The following PAFAH1B1 variants were observed in gnomAD, a reference collection of about 807,000 sequenced individuals.
PAFAH1B1 encodes the protein platelet-activating factor acetylhydrolase IB subunit beta.
PAFAH1B1 carries 2 observed loss-of-function variants against 57.5 expected under a neutral mutation model. The ratio of observed to expected loss-of-function variants is 0.03; its 90% CI spans 0.01 to 0.11. The LOEUF (loss-of-function observed/expected upper bound fraction) is 0.11. Ranked by LOEUF, PAFAH1B1 falls within the 10% of genes least tolerant of loss-of-function variation. The probability of loss-of-function intolerance (pLI) is 1.00; values close to 1 mark genes in which losing one functional copy is unlikely to be tolerated. For synonymous variants in PAFAH1B1, 152 were observed against 169.6 expected (o/e 0.90, Z 0.81); for missense variants, 257 against 512.0 (o/e 0.50, Z 4.81).
chr17:2,672,581 T>G, intron 6 of PAFAH1B1, 74 bp from the exon 7 acceptor site: 1 of 1,020,140 alleles, frequency 9.8e-7, no homozygotes, highest in South Asian at 1.3e-5. Context: ...CATGGTAAAA[T>G]CCCATGGTCA....
chr17:2,652,278 G>A (rs1235956767), intron 2 of PAFAH1B1, among the ~76,000 whole-genome samples: 7 of 151,886 alleles, frequency 4.6e-5, no homozygotes, highest in Admixed American at 1.3e-4. Flanking sequence ...GGCCGGGCGT[G>A]GTGGCGGGTG....
chr17:2,597,180 G>A (rs1363020690), intron 1 of PAFAH1B1, among the ~76,000 whole-genome samples: 1 of 152,084 alleles, frequency 6.6e-6, no homozygotes, highest in South Asian at 2.1e-4. Flanking sequence ...AGTGTTTCTT[G>A]ATACATGTTG....
At chr17:2,625,561 G>C (rs1419987154) in intron 1 of PAFAH1B1, among the ~76,000 whole-genome samples, 1 of 152,070 alleles carries the variant, frequency 6.6e-6, no homozygotes, top group Non-Finnish European at 1.5e-5. Context: ...TTGTACTGTT[G>C]GTTAATGTAG....
chr17:2,668,045 C>T (rs1209340985), intron 5 of PAFAH1B1, among the ~76,000 whole-genome samples: 1 of 151,990 alleles, frequency 6.6e-6, no homozygotes, highest in Non-Finnish European at 1.5e-5. Flanking sequence ...AACCAATCGG[C>T]CGGGCACGGT....
At chr17:2,612,883 T>G (rs1026427884) in intron 1 of PAFAH1B1, among the ~76,000 whole-genome samples, 43 of 152,156 alleles carry the variant, frequency 2.8e-4, no homozygotes, top group Non-Finnish European at 2.9e-4. Flanking sequence ...GTGCTGAGAT[T>G]ACTGGTGTGA....
At chr17:2,627,207 A>G (rs1052746429) in intron 1 of PAFAH1B1, among the ~76,000 whole-genome samples, 1 of 152,180 alleles carries the variant, frequency 6.6e-6, no homozygotes, top group Non-Finnish European at 1.5e-5. Context: ...GTTACCTTCT[A>G]GAATTTTTAG....
chr17:2,618,064 T>C (rs1164872853), intron 1 of PAFAH1B1, among the ~76,000 whole-genome samples: 1 of 151,912 alleles, frequency 6.6e-6, no homozygotes, highest in Non-Finnish European at 1.5e-5. Flanking sequence ...CTGCCCAACA[T>C]GGTGAAATCT....
At chr17:2,625,337 C>T (rs1288960982) in intron 1 of PAFAH1B1, among the ~76,000 whole-genome samples, 1 of 152,200 alleles carries the variant, frequency 6.6e-6, no homozygotes, top group Non-Finnish European at 1.5e-5. Context: ...TGCCAAAATA[C>T]ATTTCAAAAA....
At chr17:2,603,929 G>A (rs1289003132) in intron 1 of PAFAH1B1, among the ~76,000 whole-genome samples, 1 of 151,620 alleles carries the variant, frequency 6.6e-6, no homozygotes, top group Non-Finnish European at 1.5e-5. Flanking sequence ...GTAGAGATGG[G>A]GTTTCACCAT....
intron 8 of PAFAH1B1, among the ~76,000 whole-genome samples, chr17:2,675,537 C>G (rs920791086): frequency 6.6e-6 from 1 of 151,978 alleles, no homozygotes; most frequent in African/African-American, 2.4e-5. Context: ...TGTGGTGGCT[C>G]ACGCCTGTAA....
chr17:2,609,136 A>C (rs2068237593), intron 1 of PAFAH1B1, among the ~76,000 whole-genome samples: 1 of 152,194 alleles, frequency 6.6e-6, no homozygotes, highest in South Asian at 2.1e-4. Context: ...TTCCCATGAC[A>C]GCAGTTAACC....
At chr17:2,613,042 TA>T (rs34932981) in intron 1 of PAFAH1B1, among the ~76,000 whole-genome samples, 14,508 of 132,220 alleles carry the variant, frequency 0.11, 1,678 homozygotes, top group African/African-American at 0.3. Flanking sequence ...TAATAATTTG[TA>T]AAAAAAAAAA....
At chr17:2,666,581 A>G (rs1057141147) in intron 4 of PAFAH1B1, among the ~76,000 whole-genome samples, 4 of 152,244 alleles carry the variant, frequency 2.6e-5, no homozygotes, top group Non-Finnish European at 1.5e-5. Flanking sequence ...AGCACATAGT[A>G]GATGCTCAAT....
At chr17:2,595,790 C>T (rs1171716596) in intron 1 of PAFAH1B1, among the ~76,000 whole-genome samples, 2 of 152,048 alleles carry the variant, frequency 1.3e-5, no homozygotes, top group Non-Finnish European at 2.9e-5. Flanking sequence ...AGAAAGGAAT[C>T]CAATTTTTCA....
intron 10 of PAFAH1B1, chr17:2,680,713 T>C (rs1411875547): frequency 6.9e-6 from 2 of 289,686 alleles, no homozygotes; most frequent in Non-Finnish European, 1.3e-5. Flanking sequence ...TGTATTTGAT[T>C]TGAGTAAACA....
At chr17:2,612,725 C>T (rs933780938) in intron 1 of PAFAH1B1, among the ~76,000 whole-genome samples, 3 of 151,964 alleles carry the variant, frequency 2.0e-5, no homozygotes, top group Non-Finnish European at 4.4e-5. Flanking sequence ...TCCTCCTGCC[C>T]CAGCCTCCTA....
Position 2,614,858 on chromosome 17 carries a change from GATT to G in PAFAH1B1, c.-191+20855_-191+20857del, listed in dbSNP as rs564627746. ...CCACCTCAGCCTCCAAAGGGGCAAA[GATT>G]ATAGTGCACCACCATTGCAGGCCAA... On this transcript the variant is annotated intron_variant, in intron 1 of 10. Transcript: ENST00000397195. 8.5e-5 allele frequency among the ~76,000 whole-genome samples: 13 copies of G among 152,276 alleles called. No homozygotes were observed. In the East Asian group the frequency reaches 2.3e-3, roughly 27 times the overall value.
chr17:2,656,547 T>G (rs1597559613), intron 2 of PAFAH1B1, among the ~76,000 whole-genome samples: 1 of 152,152 alleles, frequency 6.6e-6, no homozygotes, highest in East Asian at 1.9e-4. Flanking sequence ...TGACCTATCC[T>G]AATTCTAAAA....
intron 2 of PAFAH1B1, among the ~76,000 whole-genome samples, chr17:2,656,880 T>G (rs1014806325): frequency 3.3e-5 from 5 of 152,112 alleles, no homozygotes. Context: ...AGTCTGTTTC[T>G]GTTTCTAGCC....
Sources: allele counts gnomAD v4.1 joint callset (sites outside exome capture counted in the v4.1 genomes callset), GRCh38; gene constraint gnomAD v4.1.1; transcripts MANE v1.5; gene names NCBI Gene and HGNC (gene_info 2026-07-23, HGNC 2026-07-21).